ANK3: variants seen among roughly 807,000 people sequenced by gnomAD.
ANK3 encodes ankyrin 3, also known as ankyrin-3.
Under a neutral mutation model 370.9 loss-of-function variants are expected in ANK3, and 57 were observed. That is an observed-to-expected ratio of 0.15 (90% CI 0.12 to 0.19). ANK3 has a LOEUF of 0.19. ANK3 is among the 10% of genes least tolerant of loss of function. The probability of loss-of-function intolerance (pLI) is 1.00; values close to 1 mark genes in which losing one functional copy is unlikely to be tolerated. For synonymous variants in ANK3, 1,929 were observed against 1,946.3 expected, an observed-to-expected ratio of 0.99 and a Z score of 0.23; for missense variants, 4,439 against 5,302.1, an observed-to-expected ratio of 0.84 and a Z score of 5.06.
At position 60,202,992 on chromosome 10, in the gene ANK3, G is replaced by T; in HGVS notation, c.1392+10C>A. On this transcript the variant is annotated intron_variant, in intron 12 of 43. Coordinates refer to ENST00000280772, the MANE Select transcript of ANK3 (RefSeq NM_020987.5). ...TCACAATGGACCTCCTTTGTTCAAAGAATACTTACCACATTGGTGGTGTTT... is the reference window on the plus strand; with the variant it reads ...TCACAATGGACCTCCTTTGTTCAAATAATACTTACCACATTGGTGGTGTTT... 1 of 1,594,932 alleles carries T rather than the reference G, an allele frequency of 6.3e-7. No individual in the cohort carries two copies. The highest frequency in any genetic ancestry group is 8.6e-7 in the Non-Finnish European group (1 of 1,165,254).
At chr10:60,053,631 C>T in intron 42 of ANK3, 2 of 1,282,142 alleles carry the variant, frequency 1.6e-6, no homozygotes, top group Non-Finnish European at 1.0e-6. Context: ...GTACTCTTTG[C>T]CATGGGTTGC....
chr10:60,721,498 C>G (rs2079862840), intron 1 of ANK3, among the ~76,000 whole-genome samples: 1 of 152,214 alleles, frequency 6.6e-6, no homozygotes, highest in South Asian at 2.1e-4. Context: ...TGGACTTTAT[C>G]CTATTTATAA....
chr10:60,077,303 T>C (rs2084058812), intron 36 of ANK3, among the ~76,000 whole-genome samples: 1 of 152,190 alleles, frequency 6.6e-6, no homozygotes. Flanking sequence ...AAAATGCATG[T>C]GTACATATAC....
intron 1 of ANK3, among the ~76,000 whole-genome samples, chr10:60,374,622 A>G (rs1249652080): frequency 6.6e-6 from 1 of 152,190 alleles, no homozygotes; most frequent in Admixed American, 6.5e-5. Context: ...TTAAAAATGG[A>G]GGACCTGGAA....
chr10:60,363,911 T>G (rs1200882880), intron 1 of ANK3, among the ~76,000 whole-genome samples: 2 of 152,076 alleles, frequency 1.3e-5, no homozygotes, highest in Admixed American at 1.3e-4. Context: ...TAATTTATTT[T>G]TAAGCTAACA....
intron 23 of ANK3, among the ~76,000 whole-genome samples, chr10:60,150,269 G>A (rs527468110): frequency 4.6e-5 from 7 of 152,128 alleles, no homozygotes; most frequent in African/African-American, 1.7e-4. Context: ...GCTCTTCTGT[G>A]GGGGCCTGTG....
intron 1 of ANK3, among the ~76,000 whole-genome samples, chr10:60,726,141 C>T (rs2079937495): frequency 1.3e-5 from 2 of 152,260 alleles, no homozygotes; most frequent in East Asian, 3.9e-4. Context: ...ACTATATCAG[C>T]ACATCACATA....
At chr10:60,689,300 G>A (rs1053149697) in intron 1 of ANK3, among the ~76,000 whole-genome samples, 1 of 152,206 alleles carries the variant, frequency 6.6e-6, no homozygotes, top group Non-Finnish European at 1.5e-5. Flanking sequence ...TTGGGAGGTT[G>A]AGGTAGGAGG....
intron 28 of ANK3, among the ~76,000 whole-genome samples, chr10:60,102,264 C>G (rs2091398234): frequency 1.3e-5 from 2 of 151,390 alleles, no homozygotes; most frequent in Admixed American, 1.3e-4. Flanking sequence ...GTGAAAAGGG[C>G]AAGATTTCAG....
intron 1 of ANK3, among the ~76,000 whole-genome samples, chr10:60,710,787 T>C (rs1231550362): frequency 6.6e-6 from 1 of 152,132 alleles, no homozygotes; most frequent in Non-Finnish European, 1.5e-5. Flanking sequence ...GTGGTGTAGT[T>C]CAAAGGCCAG....
At chr10:60,224,067 T>C (rs926370186) in intron 8 of ANK3, among the ~76,000 whole-genome samples, 7 of 151,798 alleles carry the variant, frequency 4.6e-5, no homozygotes, top group Non-Finnish European at 8.8e-5. Context: ...CTGCATAGAA[T>C]AGTGTTGATC....
At chr10:60,532,535 C>T (rs2076629967) in intron 2 of ANK3, among the ~76,000 whole-genome samples, 1 of 152,114 alleles carries the variant, frequency 6.6e-6, no homozygotes, top group Non-Finnish European at 1.5e-5. Flanking sequence ...ACATGATACA[C>T]TCTATTTTAT....
At chr10:60,598,924 G>GTGT (rs2078024180) in intron 2 of ANK3, among the ~76,000 whole-genome samples, 2 of 152,030 alleles carry the variant, frequency 1.3e-5, no homozygotes, top group South Asian at 4.2e-4. Flanking sequence ...GTAGTTATTT[G>GTGT]TGTTGTTGTT....
At chr10:60,135,671 T>C (rs1055931802) in intron 24 of ANK3, among the ~76,000 whole-genome samples, 1 of 152,252 alleles carries the variant, frequency 6.6e-6, no homozygotes, top group African/African-American at 2.4e-5. Flanking sequence ...TTGCCTTTTG[T>C]GTGCTTGATG....
chr10:60,186,652 T>G, intron 17 of ANK3, 63 bp downstream of exon 17: 5 of 1,499,128 alleles, frequency 3.3e-6, no homozygotes, highest in Non-Finnish European at 4.6e-6. Context: ...GAATTCTTAG[T>G]GACCTTTCTG....
chr10:60,094,811 G>A (rs1236052979), intron 28 of ANK3, among the ~76,000 whole-genome samples: 1 of 152,060 alleles, frequency 6.6e-6, no homozygotes, highest in Non-Finnish European at 1.5e-5. Context: ...CTTATTACCT[G>A]ACCATTAATA....
At chr10:60,509,293 T>C (rs1366285617) in intron 2 of ANK3, among the ~76,000 whole-genome samples, 2 of 152,128 alleles carry the variant, frequency 1.3e-5, no homozygotes, top group South Asian at 2.1e-4. Flanking sequence ...CTAGCACAAC[T>C]AGTATGCATG....
intron 8 of ANK3, 35 bp from the exon 9 acceptor site, chr10:60,213,545 G>C (rs2096888712): frequency 6.2e-6 from 9 of 1,456,844 alleles, no homozygotes; most frequent in Non-Finnish European, 7.6e-6. Context: ...AATTAAATTT[G>C]ACAATAAATT....
At chr10:60,637,809 A>G (rs1434110276) in intron 1 of ANK3, among the ~76,000 whole-genome samples, 4 of 152,198 alleles carry the variant, frequency 2.6e-5, no homozygotes, top group Non-Finnish European at 5.9e-5. Context: ...CTAAAAGATT[A>G]ACTGCTATAG....
Sources: gnomAD v4.1 joint callset for allele counts (sites outside exome capture counted in the v4.1 genomes callset) on GRCh38, gnomAD v4.1.1 for gene constraint, MANE v1.5 for transcripts, NCBI Gene and HGNC (gene_info 2026-07-23, HGNC 2026-07-21) for gene names.